The following AMMECR1 variants were observed in gnomAD, a reference collection of about 807,000 sequenced individuals.
AMMECR1 encodes the protein nuclear protein AMMECR1.
AMMECR1 carries 3 observed loss-of-function variants against 22.5 expected under a neutral mutation model. The observed-to-expected ratio is 0.13, with a 90% CI of 0.06 to 0.35. The LOEUF is 0.35. AMMECR1 is among the 10% of genes least tolerant of loss of function. The pLI is 1.00. For missense variants in AMMECR1, 235 were observed against 278.7 expected (o/e 0.84, Z 1.12); for synonymous variants, 130 against 116.7 (o/e 1.11, Z -0.74).
chrX:110,318,180 C>T, upstream of AMMECR1: 1 of 688,823 alleles, frequency 1.5e-6, no homozygotes, highest in Non-Finnish European at 1.8e-6. Flanking sequence ...CAGAGGCTGG[C>T]GGGGCGCGCG....
chrX:110,414,612 G>T (rs2068664715), intron 2 of AMMECR1, among the ~76,000 whole-genome samples: 2 of 113,032 alleles, frequency 1.8e-5, no homozygotes, highest in Non-Finnish European at 3.7e-5. Flanking sequence ...GACACAATTT[G>T]TATGTGGAGA....
chrX:110,247,626 G>T (rs1294855099), intron 2 of AMMECR1, among the ~76,000 whole-genome samples: 5 of 110,523 alleles, frequency 4.5e-5, no homozygotes. Context: ...TGGAGGCACA[G>T]GTTGCAGTGC....
intron 2 of AMMECR1, among the ~76,000 whole-genome samples, chrX:110,418,768 A>G (rs948624809): frequency 5.4e-5 from 6 of 111,597 alleles, no homozygotes; most frequent in African/African-American, 2.0e-4. Flanking sequence ...TTCTACACTT[A>G]TTCTCATTTC....
intron 3 of AMMECR1, 148 bp downstream of exon 3, chrX:110,216,370 G>A (rs1006850951): frequency 5.2e-5 from 20 of 384,376 alleles, no homozygotes; most frequent in African/African-American, 1.8e-4. Flanking sequence ...CTTATATCTC[G>A]TTCAGTTGTG....
At chrX:110,349,400 G>A (rs753115105) in intron 2 of AMMECR1, among the ~76,000 whole-genome samples, 1 of 111,609 alleles carries the variant, frequency 9.0e-6, no homozygotes, top group Admixed American at 9.5e-5. Context: ...TCCTCACATG[G>A]CAAACCCCAT....
chrX:110,385,861 A>G (rs1393536561), intron 2 of AMMECR1, among the ~76,000 whole-genome samples: 1 of 111,277 alleles, frequency 9.0e-6, no homozygotes, highest in African/African-American at 3.3e-5. Flanking sequence ...TCGTTCCCAT[A>G]TTTATGTCCA....
At chrX:110,313,211 C>T (rs2068032129) in intron 1 of AMMECR1, among the ~76,000 whole-genome samples, 1 of 111,932 alleles carries the variant, frequency 8.9e-6, no homozygotes, top group African/African-American at 3.3e-5. Context: ...TGTTAAAACA[C>T]CTCTTCAGAG....
chrX:110,343,908 G>A (rs1188816972), intron 2 of AMMECR1, among the ~76,000 whole-genome samples: 17 of 111,344 alleles, frequency 1.5e-4, no homozygotes, highest in African/African-American at 3.3e-4. Flanking sequence ...CATGAAAATG[G>A]CCATACTGCC....
exon 2 of AMMECR1, chrX:110,426,711 A>G (rs2068757083): frequency 8.9e-6 from 1 of 111,977 alleles, no homozygotes; most frequent in African/African-American, 3.3e-5. Flanking sequence ...GTGGGTGGCC[A>G]TCATGTCAGG....
At chrX:110,230,140 GAA>G (rs1323923058) in intron 2 of AMMECR1, among the ~76,000 whole-genome samples, 1 of 112,595 alleles carries the variant, frequency 8.9e-6, no homozygotes, top group Admixed American at 9.3e-5. Flanking sequence ...TGACAGCTCT[GAA>G]GAGAGCAGTG....
intron 3 of AMMECR1, among the ~76,000 whole-genome samples, chrX:110,210,306 A>G (rs2067441540): frequency 9.0e-6 from 1 of 110,848 alleles, no homozygotes; most frequent in Admixed American, 9.6e-5. Context: ...AATCTTAATG[A>G]TAGTGACATC....
intron 2 of AMMECR1, among the ~76,000 whole-genome samples, chrX:110,385,399 A>C (rs1311865527): frequency 9.0e-6 from 1 of 111,515 alleles, no homozygotes; most frequent in Non-Finnish European, 1.9e-5. Context: ...TGTACAGTTC[A>C]GTCATTTTTA....
At position 110,429,751 on chromosome X, in the gene AMMECR1, G is replaced by T. The variant is rs2013207963; in HGVS notation, c.-293-2948C>A. Among the ~76,000 whole-genome samples, 4 of 111,802 alleles carry T rather than the reference G, an allele frequency of 3.6e-5. No homozygotes were observed. In the Admixed American group the frequency reaches 3.8e-4, roughly 11 times the overall value. On this transcript the variant is annotated intron_variant, in intron 1 of 7. Coordinates refer to the AMMECR1 transcript ENST00000372057. ...CCTGTCTCGGCCTCCCAAAGTGCTGGGATTACAGGCGTTGAGCCACCATGC... is the reference window on the plus strand; with the variant it reads ...CCTGTCTCGGCCTCCCAAAGTGCTGTGATTACAGGCGTTGAGCCACCATGC...
chrX:110,383,798 A>G (rs781599653), intron 2 of AMMECR1, among the ~76,000 whole-genome samples: 26 of 111,459 alleles, frequency 2.3e-4, no homozygotes, highest in African/African-American at 8.1e-4. Flanking sequence ...ATTTTTCCAT[A>G]TCCCTTTGAT....
chrX:110,308,479 G>T (rs781451383), intron 1 of AMMECR1, among the ~76,000 whole-genome samples: 13 of 111,693 alleles, frequency 1.2e-4, no homozygotes, highest in African/African-American at 3.3e-4. Flanking sequence ...AATAGTTGGA[G>T]GAGTTTGTGG....
At chrX:110,315,414 T>C (rs1381309718) in intron 1 of AMMECR1, among the ~76,000 whole-genome samples, 7 of 112,294 alleles carry the variant, frequency 6.2e-5, no homozygotes, top group Admixed American at 2.8e-4. Flanking sequence ...ATGATAATAG[T>C]TATTATTCTT....
Position 110,195,302 on chromosome X carries a change from CCT to C in AMMECR1, c.*3216_*3217del, listed in dbSNP as rs756382656. 2.7e-5 allele frequency: 3 copies of C among 111,709 alleles called. No individual in the cohort carries two copies. The allele number at this position is 111,709 out of a possible 1,213,427, so 9.2% of individuals were successfully genotyped here. A position where few individuals can be genotyped will look rare whatever the true frequency, so the allele number is the denominator to read the frequency against. ...GCACTTCCTCCATCAATTTCACTGA[CCT>C]CTCGTGTTAGGGGAGACTACAGAGG... On this transcript the variant is annotated 3_prime_UTR_variant, in exon 6 of 6. Transcript: ENST00000262844.
At chrX:110,335,521 C>T (rs950479619) in intron 2 of AMMECR1, among the ~76,000 whole-genome samples, 2 of 111,458 alleles carry the variant, frequency 1.8e-5, no homozygotes, top group Non-Finnish European at 1.9e-5. Flanking sequence ...TAGGGGTTGC[C>T]GATGGCATAG....
chrX:110,199,434 A>C (rs1276601651), intron 5 of AMMECR1, among the ~76,000 whole-genome samples: 1 of 110,844 alleles, frequency 9.0e-6, no homozygotes, highest in Admixed American at 9.6e-5. Context: ...CCCACAGTGA[A>C]CCCTATCCTT....
Sources: allele counts gnomAD v4.1 joint callset (sites outside exome capture counted in the v4.1 genomes callset), GRCh38; gene constraint gnomAD v4.1.1; transcripts MANE v1.5; gene names NCBI Gene and HGNC (gene_info 2026-07-23, HGNC 2026-07-21).